STON2: variants seen among roughly 807,000 people sequenced by gnomAD.
The protein encoded by STON2 is stonin-2.
STON2 carries 29 observed loss-of-function variants against 65.7 expected under a neutral mutation model. That is an observed-to-expected ratio of 0.44 (90% CI 0.33 to 0.60). The LOEUF is 0.60. Ranked by LOEUF, STON2 falls within the 20% of genes least tolerant of loss-of-function variation. The pLI, the probability that STON2 is intolerant of heterozygous loss-of-function variation, is 0.03. For missense variants in STON2, 1,054 were observed against 1,118.1 expected, an observed-to-expected ratio of 0.94 and a Z score of 0.82; for synonymous variants, 404 against 414.2, an observed-to-expected ratio of 0.98 and a Z score of 0.30.
Position 81,293,176 on chromosome 14 carries a change from C to CTT in STON2, c.743-14439_743-14438dup, listed in dbSNP as rs537387012. ...CACCTTAGTTCTTGCTGACTTGTGT[C>CTT]TTTTTTTTTTTTTTTTGAGATGGAG... On this transcript the variant is annotated intron_variant, in intron 5 of 7. Coordinates refer to ENST00000614646, the MANE Select transcript of STON2 (RefSeq NM_001394390.1). Among the ~76,000 whole-genome samples the CTT allele has an allele frequency of 4.1e-3, 573 of 138,896 alleles. 9 individuals are homozygous for CTT. The highest frequency in any genetic ancestry group is 5.8e-3 in the Non-Finnish European group (373 of 64,708). 91.1% of individuals were successfully genotyped at this position (138,896 alleles called of 152,430 possible).
In STON2 at chr14:81,308,264, C is replaced by T. The variant is rs183964583; in HGVS notation, c.742+15753G>A. Among the ~76,000 whole-genome samples the T allele has an allele frequency of 7.2e-4, 110 of 152,160 alleles. No individual in the cohort carries two copies. In the South Asian group the frequency reaches 0.013, roughly 19 times the overall value. ...TCTGTCACCCAGGCTGGAGTGCAGA[C>T]GCGATCTCAGTTCACTGCAACCTCT... On this transcript the variant is annotated intron_variant, in intron 5 of 7. Transcript: ENST00000614646.
chr14:81,333,313 GTTGGTTGGTCA>G (rs1230127873), intron 4 of STON2: 3 of 640,200 alleles, frequency 4.7e-6, no homozygotes, highest in Non-Finnish European at 8.7e-6. Flanking sequence ...CTCTGAAGTC[GTTGGTTGGTCA>G]TGAACTTTCT....
At chr14:81,433,757 G>C (rs187004928) in intron 1 of STON2, among the ~76,000 whole-genome samples, 1 of 152,260 alleles carries the variant, frequency 6.6e-6, no homozygotes, top group East Asian at 1.9e-4. Context: ...AGCCTCAGTG[G>C]GTCCCAGAAT....
intron 2 of STON2, among the ~76,000 whole-genome samples, chr14:81,408,661 T>C (rs1025634201): frequency 6.6e-6 from 1 of 152,238 alleles, no homozygotes; most frequent in Non-Finnish European, 1.5e-5. Context: ...TACTGTGTGA[T>C]TTTCCTTCAA....
intron 4 of STON2, among the ~76,000 whole-genome samples, chr14:81,340,098 A>G (rs114546704): frequency 0.015 from 2,314 of 152,294 alleles, 58 homozygotes; most frequent in African/African-American, 0.047. Flanking sequence ...AGCCTGCAGT[A>G]AGCCCAGATC....
At chr14:81,309,630 A>G (rs1896346085) in intron 5 of STON2, among the ~76,000 whole-genome samples, 1 of 152,222 alleles carries the variant, frequency 6.6e-6, no homozygotes, top group African/African-American at 2.4e-5. Context: ...CCCTAGAGCC[A>G]TGTATGTAGC....
chr14:81,377,629 C>T (rs1326318311), intron 3 of STON2, among the ~76,000 whole-genome samples: 1 of 152,174 alleles, frequency 6.6e-6, no homozygotes, highest in Non-Finnish European at 1.5e-5. Context: ...ATATTCCCAC[C>T]AGCAATGCAT....
intron 5 of STON2, among the ~76,000 whole-genome samples, chr14:81,317,036 GAA>G (rs924399593): frequency 6.6e-6 from 1 of 152,026 alleles, no homozygotes; most frequent in African/African-American, 2.4e-5. Flanking sequence ...AAAGAAAAAA[GAA>G]AAGAGGTTTA....
Position 81,413,253 on chromosome 14 carries a change from G to A in STON2, c.-199+13849C>T. On this transcript the variant is annotated intron_variant, in intron 2 of 8. Transcript: ENST00000553821. ...AAATCTGGTTAAAAGCATGGACTGT[G>A]CCACCCACCAGTGGTCCATCCAAAA... 3 of 1,525,182 alleles carry A rather than the reference G, an allele frequency of 2.0e-6. 1 individual carries two copies. Among genetic ancestry groups the A allele is most frequent in the East Asian group, 5.7e-5 (2 of 35,220 alleles). 94.5% of individuals were successfully genotyped at this position (1,525,182 alleles called of 1,614,324 possible).
chr14:81,322,711 C>A (rs1896865241), intron 5 of STON2, among the ~76,000 whole-genome samples: 1 of 152,170 alleles, frequency 6.6e-6, no homozygotes. Context: ...CTACCTGTGA[C>A]CCTCCCAACT....
At chr14:81,351,953 A>C (rs959641485) in intron 4 of STON2, among the ~76,000 whole-genome samples, 1 of 152,244 alleles carries the variant, frequency 6.6e-6, no homozygotes, top group Non-Finnish European at 1.5e-5. Context: ...ACTGTTTGTC[A>C]GTCTCCTAAA....
chr14:81,417,299 C>A (rs1180552886), intron 2 of STON2, among the ~76,000 whole-genome samples: 5 of 146,622 alleles, frequency 3.4e-5, no homozygotes, highest in Non-Finnish European at 7.6e-5. Context: ...CCCAGCTCTG[C>A]AACAGCACAG....
intron 5 of STON2, among the ~76,000 whole-genome samples, chr14:81,279,649 C>A (rs2140127224): frequency 6.6e-6 from 1 of 152,074 alleles, no homozygotes; most frequent in South Asian, 2.1e-4. Context: ...GGAGATTGTG[C>A]CACTGCACTC....
chr14:81,398,241 T>C (rs979058274), intron 2 of STON2, 54 bp downstream of exon 2: 10 of 1,301,254 alleles, frequency 7.7e-6, no homozygotes, highest in African/African-American at 2.9e-5. Context: ...CCATAACAAA[T>C]AGACATGGTT....
At chr14:81,376,029 G>A (rs992065835) in intron 3 of STON2, among the ~76,000 whole-genome samples, 42 of 151,476 alleles carry the variant, frequency 2.8e-4, no homozygotes, top group African/African-American at 9.9e-4. Flanking sequence ...AAGCAATAAT[G>A]AAAATACTAT....
intron 5 of STON2, among the ~76,000 whole-genome samples, chr14:81,290,146 A>C (rs1895497573): frequency 6.6e-6 from 1 of 152,150 alleles, no homozygotes; most frequent in Non-Finnish European, 1.5e-5. Context: ...ATGGGCACAG[A>C]CCTATGCCTA....
chr14:81,380,961 C>T (rs1899485011), intron 3 of STON2, among the ~76,000 whole-genome samples: 1 of 151,964 alleles, frequency 6.6e-6, no homozygotes, highest in Non-Finnish European at 1.5e-5. Flanking sequence ...ACATGTACCC[C>T]TTGAATCTAA....
At chr14:81,281,217 T>C (rs1048504898) in intron 5 of STON2, among the ~76,000 whole-genome samples, 2 of 152,202 alleles carry the variant, frequency 1.3e-5, no homozygotes, top group African/African-American at 4.8e-5. Context: ...TCCAGTTTTG[T>C]ATAAGTGATT....
intron 5 of STON2, among the ~76,000 whole-genome samples, chr14:81,300,272 CTCTG>C (rs1338150810): frequency 6.6e-6 from 1 of 151,980 alleles, no homozygotes; most frequent in African/African-American, 2.4e-5. Flanking sequence ...CCTTCTCTCT[CTCTG>C]TCTAAAAATT....
Sources: gnomAD v4.1 joint callset for allele counts (sites outside exome capture counted in the v4.1 genomes callset) on GRCh38, gnomAD v4.1.1 for gene constraint, MANE v1.5 for transcripts, NCBI Gene and HGNC (gene_info 2026-07-23, HGNC 2026-07-21) for gene names.